The following PRKAR1B variants were observed in gnomAD, a reference collection of about 807,000 sequenced individuals.
The protein encoded by PRKAR1B is protein kinase cAMP-dependent type I regulatory subunit beta, also known as cAMP-dependent protein kinase type I-beta regulatory subunit.
A neutral mutation model predicts 46.5 loss-of-function variants in PRKAR1B; 22 were observed. That is an observed-to-expected ratio of 0.47 (90% CI 0.34 to 0.68). PRKAR1B has a LOEUF of 0.68. Ranked by LOEUF, PRKAR1B falls within the 30% of genes least tolerant of loss-of-function variation. The probability of loss-of-function intolerance (pLI) is 0.01; values close to 1 mark genes in which losing one functional copy is unlikely to be tolerated. For synonymous variants in PRKAR1B, 259 were observed against 217.7 expected (o/e 1.19, Z -1.67); for missense variants, 445 against 535.6 (o/e 0.83, Z 1.67).
At chr7:608,253 G>A (rs2128465850) in intron 4 of PRKAR1B, 1 of 152,390 alleles carries the variant, frequency 6.6e-6, no homozygotes, top group African/African-American at 2.4e-5. Flanking sequence ...GTGACGCAGA[G>A]AAACCAGAGA....
At chr7:558,223 G>C (rs1276956564) in intron 9 of PRKAR1B, among the ~76,000 whole-genome samples, 1 of 151,388 alleles carries the variant, frequency 6.6e-6, no homozygotes, top group African/African-American at 2.4e-5. Flanking sequence ...CTACTCAGGA[G>C]GCTGAGGTGC....
chr7:670,769 T>G (rs1472880998), intron 4 of PRKAR1B, among the ~76,000 whole-genome samples: 1 of 149,612 alleles, frequency 6.7e-6, no homozygotes, highest in Non-Finnish European at 1.5e-5. Flanking sequence ...CGCCACGGCA[T>G]CCGGCAGAGG....
intron 9 of PRKAR1B, among the ~76,000 whole-genome samples, chr7:574,713 G>C (rs554077305): frequency 6.6e-6 from 1 of 152,288 alleles, no homozygotes; most frequent in African/African-American, 2.4e-5. Flanking sequence ...CAAAGTGCTG[G>C]GATTATAGGC....
At chr7:634,882 C>A (rs757701412) in intron 4 of PRKAR1B, among the ~76,000 whole-genome samples, 1 of 152,044 alleles carries the variant, frequency 6.6e-6, no homozygotes, top group South Asian at 2.1e-4. Flanking sequence ...TCAAGCGATC[C>A]GCCCACCTCA....
chr7:711,659 A>G, intron 1 of PRKAR1B, 132 bp from the exon 2 acceptor site: 1 of 851,572 alleles, frequency 1.2e-6, no homozygotes, highest in Non-Finnish European at 1.8e-6. Flanking sequence ...TTTGTCAAAG[A>G]TCTTTCATTC....
At chr7:571,015 C>T (rs1281127677) in intron 9 of PRKAR1B, among the ~76,000 whole-genome samples, 1 of 152,256 alleles carries the variant, frequency 6.6e-6, no homozygotes, top group East Asian at 1.9e-4. Context: ...CACGGCATCT[C>T]TCCAGCCCCG....
At chr7:684,809 C>G (rs1778912554) in intron 2 of PRKAR1B, among the ~76,000 whole-genome samples, 1 of 152,012 alleles carries the variant, frequency 6.6e-6, no homozygotes, top group South Asian at 2.1e-4. Context: ...ACGTCCATCA[C>G]CCACCCTCAA....
chr7:624,450 T>G (rs1783276151), intron 4 of PRKAR1B, among the ~76,000 whole-genome samples: 3 of 151,612 alleles, frequency 2.0e-5, no homozygotes, highest in Admixed American at 2.0e-4. Flanking sequence ...AAAAAAAAAG[T>G]GCATGCTCTT....
chr7:576,735 C>A (rs374624091), intron 9 of PRKAR1B, among the ~76,000 whole-genome samples: 1 of 151,794 alleles, frequency 6.6e-6, no homozygotes, highest in African/African-American at 2.4e-5. Context: ...CCTGCTCTAC[C>A]CCAGCCTTCC....
intron 4 of PRKAR1B, among the ~76,000 whole-genome samples, chr7:658,364 G>T (rs79478853): frequency 2.0e-5 from 3 of 152,108 alleles, no homozygotes; most frequent in Non-Finnish European, 4.4e-5. Flanking sequence ...GAGCCCATGA[G>T]GTGGGGGCTG....
intron 4 of PRKAR1B, among the ~76,000 whole-genome samples, chr7:652,417 G>A (rs1784955957): frequency 6.7e-6 from 1 of 148,398 alleles, no homozygotes; most frequent in Non-Finnish European, 1.5e-5. Context: ...TAGGAACCTG[G>A]GGAAACCCCT....
chr7:681,724 C>A (rs1778697062), intron 2 of PRKAR1B, among the ~76,000 whole-genome samples: 1 of 152,232 alleles, frequency 6.6e-6, no homozygotes, highest in South Asian at 2.1e-4. Flanking sequence ...CCACTGCAGA[C>A]CTTGCTCCTG....
chr7:574,524 A>T (rs1279867580), intron 9 of PRKAR1B, among the ~76,000 whole-genome samples: 2 of 151,810 alleles, frequency 1.3e-5, no homozygotes, highest in African/African-American at 4.8e-5. Context: ...AGCTCACTGC[A>T]ATCTCTGCCT....
intron 4 of PRKAR1B, among the ~76,000 whole-genome samples, chr7:617,705 G>A (rs549282172): frequency 8.5e-5 from 13 of 152,172 alleles, no homozygotes; most frequent in South Asian, 2.1e-4. Context: ...TGTTTCCCCC[G>A]TCCTGGCAGG....
At chr7:691,915 G>C (rs1212034503) in intron 2 of PRKAR1B, 3 of 1,046,642 alleles carry the variant, frequency 2.9e-6, no homozygotes, top group African/African-American at 3.3e-5. Context: ...GGAGCTGCGA[G>C]TCCCTTGCTC....
chr7:714,673 G>C lies in PRKAR1B; in HGVS notation c.-22-3146C>G, dbSNP rs1398003654. ...CCCCACCGCCCCAACCTGCAGACAA[G>C]TTTCTGCCTGACTCCCAGGCCTCTC... is the stretch of plus-strand genomic sequence containing the variant. On this transcript the variant is annotated intron_variant, in intron 1 of 10. Coordinates refer to ENST00000537384, the MANE Select transcript of PRKAR1B (RefSeq NM_001164760.2). This position sits in a 1 kb window ranked among gnomAD's most constrained non-coding sequence, Gnocchi z 4.3. 6.6e-6 allele frequency among the ~76,000 whole-genome samples: 1 copy of C among 152,228 alleles called. No individual in the cohort carries two copies. The highest frequency in any genetic ancestry group is 1.5e-5 in the Non-Finnish European group (1 of 68,042).
chr7:679,906 C>G (rs977914400), intron 3 of PRKAR1B, among the ~76,000 whole-genome samples: 1 of 152,116 alleles, frequency 6.6e-6, no homozygotes, highest in African/African-American at 2.4e-5. Flanking sequence ...CGCCCGTAAC[C>G]CCAGCACTTT....
At chr7:684,585 C>G (rs115282894) in intron 2 of PRKAR1B, among the ~76,000 whole-genome samples, 1 of 152,224 alleles carries the variant, frequency 6.6e-6, no homozygotes, top group African/African-American at 2.4e-5. Flanking sequence ...ACGGAGGGAA[C>G]GGTTCTGCTG....
intron 4 of PRKAR1B, among the ~76,000 whole-genome samples, chr7:649,457 C>T (rs901901566): frequency 4.6e-5 from 7 of 152,134 alleles, no homozygotes; most frequent in Non-Finnish European, 8.8e-5. Context: ...AACGTTTATA[C>T]ATTAACATTT....
Sources: gnomAD v4.1 joint callset for allele counts (sites outside exome capture counted in the v4.1 genomes callset) on GRCh38, gnomAD v4.1.1 for gene constraint, Gnocchi (gnomAD v3.1) non-coding constraint, MANE v1.5 for transcripts, NCBI Gene and HGNC (gene_info 2026-07-23, HGNC 2026-07-21) for gene names.